The following SALL3 variants were observed in gnomAD, a reference collection of about 807,000 sequenced individuals.
The protein encoded by SALL3 is spalt like transcription factor 3.
Under a neutral mutation model 66.2 loss-of-function variants are expected in SALL3, and 25 were observed. The observed-to-expected ratio is 0.38, with a 90% CI of 0.28 to 0.53. The LOEUF (loss-of-function observed/expected upper bound fraction) is 0.53. SALL3 is among the 20% of genes least tolerant of loss of function. SALL3 has a pLI of 0.85. For missense variants in SALL3, 2,194 were observed against 1,916.5 expected (o/e 1.14, Z -2.70); for synonymous variants, 1,152 against 899.1 (o/e 1.28, Z -5.03).
At position 78,993,117 on chromosome 18, in the gene SALL3, C is replaced by T; in HGVS notation, c.1126C>T (p.Pro376Ser). The T allele has an allele frequency of 3.1e-6, 5 of 1,604,758 alleles. No homozygotes were observed. Among genetic ancestry groups the T allele is most frequent in the Non-Finnish European group, 4.2e-6 (5 of 1,177,694 alleles). ...TSASGVIFPN[P>S]LVSIAATANA... ...CGCCAGCGGCGTCATCTTCCCCAAC[C>T]CGCTGGTCAGCATCGCGGCCACGGC... The change falls in exon 2 of 3, where the codon CCG becomes TCG. Residue 376 changes from proline to serine, a missense_variant. Physicochemically the swap from Pro to Ser is moderately conservative, Grantham distance 74. Transcript: ENST00000537592.
rs1334676253 is a variant in SALL3 at position 78,993,705 on chromosome 18, C to T, written c.1714C>T (p.His572Tyr). 1 of 1,567,310 alleles carries T rather than the reference C, an allele frequency of 6.4e-7. No individual in the cohort carries two copies. Among genetic ancestry groups the T allele is most frequent in the East Asian group, 2.3e-5 (1 of 44,144 alleles). ...ECASLSPGLNHVESGVSATAE... is the reference protein window; with the variant it reads ...ECASLSPGLNYVESGVSATAE... The stretch of plus-strand genomic sequence containing the variant: ...CGCCTCCTTGTCCCCAGGCCTCAAC[C>T]ACGTGGAGTCCGGCGTGTCGGCCAC... Residue 572 changes from histidine (H) to tyrosine (Y), a missense_variant, in exon 2 of 3, where the codon CAC becomes TAC. His to Tyr is a moderately conservative substitution (Grantham distance 83). Transcript: ENST00000537592.
chr18:78,989,074 G>T (rs1599175834), intron 1 of SALL3, among the ~76,000 whole-genome samples: 1 of 152,124 alleles, frequency 6.6e-6, no homozygotes, highest in African/African-American at 2.4e-5. Flanking sequence ...ACTTTGAAAA[G>T]AATATCTTCA....
chr18:78,980,388 G>C (rs1225333550), intron 1 of SALL3, 32 bp downstream of exon 1: 2 of 1,316,946 alleles, frequency 1.5e-6, no homozygotes, highest in South Asian at 1.7e-5. Flanking sequence ...TGGCCGGGGG[G>C]TCTGGGGCTG....
rs751042417 is a variant in SALL3 at position 78,995,300 on chromosome 18, C to A, written c.3309C>A (p.Ala1103=). ...VMGPGLAPML[A]PPPRRTPKQH... is the part of the protein sequence containing the mutation. ...GCCCGGGCCTGGCGCCCATGCTGGC[C>A]CCCCCACCGCGCCGGACGCCCAAGC... The change falls in exon 2 of 3, where the codon GCC becomes GCA. Residue 1103 remains alanine (A), a synonymous_variant. Coordinates refer to ENST00000537592, the MANE Select transcript of SALL3 (RefSeq NM_171999.4). 1.9e-6 allele frequency: 3 copies of A among 1,573,796 alleles called. No individual in the cohort carries two copies. The African/African-American group carries it at 4.0e-5, about 21-fold the overall frequency.
At chr18:78,989,865 G>A (rs1446595742) in intron 1 of SALL3, among the ~76,000 whole-genome samples, 4 of 152,180 alleles carry the variant, frequency 2.6e-5, no homozygotes, top group Admixed American at 6.5e-5. Flanking sequence ...TGTATGGATG[G>A]TTTAATGCAG....
chr18:78,992,565 G>A lies in SALL3; in HGVS notation c.574G>A (p.Gly192Arg). Residue 192 changes from glycine to arginine, a missense_variant, in exon 2 of 3, where the codon GGA becomes AGA. Transcript: ENST00000537592. ...GGGCGCGCGCGCGGCAGGCGGCTCGGGAGCAGGTGGAGGCGTGGCAGCTGC... is the reference window on the plus strand; with the variant it reads ...GGGCGCGCGCGCGGCAGGCGGCTCGAGAGCAGGTGGAGGCGTGGCAGCTGC... ...SQGARAAGGS[G>R]AGGGVAAAAV... 1 of 1,504,214 alleles carries A rather than the reference G, an allele frequency of 6.6e-7. No homozygotes were observed. Among genetic ancestry groups the A allele is most frequent in the Non-Finnish European group, 8.8e-7 (1 of 1,134,536 alleles). 93.2% of individuals were successfully genotyped at this position (1,504,214 alleles called of 1,614,324 possible). A position where few individuals can be genotyped will look rare whatever the true frequency, so the allele number is the denominator to read the frequency against.
intron 1 of SALL3, among the ~76,000 whole-genome samples, chr18:78,989,003 A>ATGACATTT (rs1450854954): frequency 6.6e-6 from 1 of 152,212 alleles, no homozygotes; most frequent in Admixed American, 6.5e-5. Context: ...AATGGTCACA[A>ATGACATTT]TGACATTTTT....
chr18:78,988,534 C>G (rs1464693455), intron 1 of SALL3, among the ~76,000 whole-genome samples: 1 of 152,200 alleles, frequency 6.6e-6, no homozygotes, highest in African/African-American at 2.4e-5. Flanking sequence ...TTTCCTACAA[C>G]CAGTTCAGTC....
Position 78,981,265 on chromosome 18 carries a change from G to A in SALL3, c.82+909G>A, listed in dbSNP as rs560694264. 9.8e-5 allele frequency among the ~76,000 whole-genome samples: 15 copies of A among 152,290 alleles called. No homozygotes were observed. The East Asian group carries it at 2.9e-3, about 30-fold the overall frequency. On this transcript the variant is annotated intron_variant, in intron 1 of 2. Coordinates refer to ENST00000537592, the MANE Select transcript of SALL3 (RefSeq NM_171999.4). Reference sequence around the variant, plus strand: ...CGTCGAGTCAAAACCTCGGCCGGCGGCGCCCGGGCTTCGGCGCGCCCCGCG... The same window carrying A: ...CGTCGAGTCAAAACCTCGGCCGGCGACGCCCGGGCTTCGGCGCGCCCCGCG...
intron 1 of SALL3, among the ~76,000 whole-genome samples, chr18:78,985,294 G>A (rs1381880855): frequency 1.3e-5 from 2 of 152,190 alleles, no homozygotes; most frequent in South Asian, 2.1e-4. Context: ...CTTCTCAGAC[G>A]CCATCTAGTT....
intron 1 of SALL3, among the ~76,000 whole-genome samples, chr18:78,990,488 A>G (rs1027658837): frequency 6.6e-6 from 1 of 152,196 alleles, no homozygotes; most frequent in Non-Finnish European, 1.5e-5. Context: ...TTTTCTTTTC[A>G]AGTAGAGGAA....
chr18:78,988,346 A>G (rs991190340), intron 1 of SALL3, among the ~76,000 whole-genome samples: 3 of 152,224 alleles, frequency 2.0e-5, no homozygotes, highest in Non-Finnish European at 2.9e-5. Flanking sequence ...AGATTGGCAC[A>G]TAAACACTGT....
chr18:78,995,221 G>C lies in SALL3; in HGVS notation c.3230G>C (p.Gly1077Ala). 1 of 1,606,680 alleles carries C rather than the reference G, an allele frequency of 6.2e-7. No homozygotes were observed. Among genetic ancestry groups the C allele is most frequent in the Non-Finnish European group, 8.5e-7 (1 of 1,179,766 alleles). The change falls in exon 2 of 3, where the codon GGT becomes GCT. Residue 1077 changes from glycine (G) to alanine (A), a missense_variant. Transcript: ENST00000537592. ...GGCAAGGCCATGGCGCTGGGCGAGG[G>C]TCCCCCGCTGCCCGCGGGCGTCCAG... ...GHGKAMALGE[G>A]PPLPAGVQVP...
At chr18:78,983,809 T>A (rs1296289250) in intron 1 of SALL3, among the ~76,000 whole-genome samples, 1 of 152,162 alleles carries the variant, frequency 6.6e-6, no homozygotes, top group African/African-American at 2.4e-5. Context: ...CTCTGAAACA[T>A]GAAAGGTAAA....
chr18:78,992,062 T>G lies in SALL3; in HGVS notation c.83-12T>G, dbSNP rs746390118. On this transcript the variant is annotated splice_polypyrimidine_tract_variant and intron_variant, in intron 1 of 2. Transcript: ENST00000537592. ...GCCGAGCCCCGGCTGACTCACTCTCTTGGTCTTGCAGCCGCCCCGGGGGAA... is the reference window on the plus strand; with the variant it reads ...GCCGAGCCCCGGCTGACTCACTCTCGTGGTCTTGCAGCCGCCCCGGGGGAA... The G allele has an allele frequency of 1.0e-5, 15 of 1,460,042 alleles. No homozygotes were observed. The highest frequency in any genetic ancestry group is 1.2e-5 in the Non-Finnish European group (13 of 1,102,904). The allele number at this position is 1,460,042 out of a possible 1,614,324, so 90.4% of individuals were successfully genotyped here.
Position 78,994,401 on chromosome 18 carries a change from T to C in SALL3, c.2410T>C (p.Ser804Pro), listed in dbSNP as rs1914600392. The change falls in exon 2 of 3, where the codon TCC becomes CCC. Residue 804 changes from serine (S) to proline (P), a missense_variant. Ser to Pro is a moderately conservative substitution (Grantham distance 74). Transcript: ENST00000537592. ...CTACGATGACGACATGGACGAGAAC[T>C]CCATGGAGGACGACGCTGAGCTGAA... ...SSYDDDMDEN[S>P]MEDDAELKDA... 6.2e-7 allele frequency: 1 copy of C among 1,612,838 alleles called. No homozygotes were observed. Among genetic ancestry groups the C allele is most frequent in the African/African-American group, 1.3e-5 (1 of 74,848 alleles).
At chr18:78,996,827 A>G in intron 2 of SALL3, 64 bp from the exon 3 acceptor site, 1 of 1,486,978 alleles carries the variant, frequency 6.7e-7, no homozygotes, top group South Asian at 1.3e-5. Flanking sequence ...CTGCGCTGGA[A>G]GCGGAGCAGC....
chr18:78,992,077 C>T lies in SALL3; in HGVS notation c.86C>T (p.Ala29Val). The T allele has an allele frequency of 6.7e-7, 1 of 1,493,838 alleles. No individual in the cohort carries two copies. Among genetic ancestry groups the T allele is most frequent in the African/African-American group, 1.4e-5 (1 of 70,688 alleles). 92.5% of individuals were successfully genotyped at this position (1,493,838 alleles called of 1,614,324 possible). Residue 29 changes from alanine to valine, a missense_variant, in exon 2 of 3, where the codon GCC becomes GTC. Coordinates refer to ENST00000537592, the MANE Select transcript of SALL3 (RefSeq NM_171999.4). ...ACTCACTCTCTTGGTCTTGCAGCCG[C>T]CCCGGGGGAAGGTGCGGAGGACGCA... ...LPPDGAPEHA[A>V]PGEGAEDADS...
At position 78,984,460 on chromosome 18, in the gene SALL3, C is replaced by T. The variant is rs953353967; in HGVS notation, c.82+4104C>T. Among the ~76,000 whole-genome samples the T allele has an allele frequency of 2.6e-5, 4 of 151,980 alleles. No homozygotes were observed. In the South Asian group the frequency reaches 6.2e-4, roughly 24 times the overall value. Reference sequence around the variant, plus strand: ...TTTTTGTTTTTATTAGTTTTATTTTCCTACATGATTTGTTCAGTAGTTGCC... The same window carrying T: ...TTTTTGTTTTTATTAGTTTTATTTTTCTACATGATTTGTTCAGTAGTTGCC... On this transcript the variant is annotated intron_variant, in intron 1 of 2. Transcript: ENST00000537592.
Sources: gnomAD v4.1 joint callset for allele counts (sites outside exome capture counted in the v4.1 genomes callset) on GRCh38, gnomAD v4.1.1 for gene constraint, MANE v1.5 for transcripts, NCBI Gene and HGNC (gene_info 2026-07-23, HGNC 2026-07-21) for gene names.